Variants in CATSPER2 observed in about 807,000 individuals in gnomAD.
The protein encoded by CATSPER2 is cation channel sperm associated 2.
In CATSPER2, 56 loss-of-function variants were observed where a neutral mutation model predicts 68.8. The ratio of observed to expected loss-of-function variants is 0.81; its 90% CI spans 0.66 to 1.02. CATSPER2 has a LOEUF of 1.02. Among genes scored for constraint, CATSPER2 ranks in the 50% least tolerant of loss-of-function variants. The pLI, the probability that CATSPER2 is intolerant of heterozygous loss-of-function variation, is 0.00. For synonymous variants in CATSPER2, 198 were observed against 229.9 expected (o/e 0.86, Z 1.26); for missense variants, 582 against 642.0 (o/e 0.91, Z 1.01).
Position 43,639,004 on chromosome 15 carries a change from G to C in CATSPER2, c.742C>G (p.Leu248Val). ...GCAAAAATGTAGAAGAAGATGAGCA[G>C]CAACATCAAGAGGAAGGTCATGCTC... is the stretch of plus-strand genomic sequence containing the variant. ...LKSMTFLLML[L>V]LIFFYIFAVT... Residue 248 changes from leucine to valine, a missense_variant, in exon 7 of 13, where the codon CTG becomes GTG. Physicochemically the swap from Leu to Val is conservative, Grantham distance 32. Around this residue, in one of 5 missense-constraint regions of CATSPER2, gnomAD observed 91 missense variants for 72.8 expected, o/e 1.25. Coordinates refer to ENST00000396879, the MANE Select transcript of CATSPER2 (RefSeq NM_172095.4). The C allele has an allele frequency of 6.2e-7, 1 of 1,612,724 alleles. No homozygotes were observed. Among genetic ancestry groups the C allele is most frequent in the Non-Finnish European group, 8.5e-7 (1 of 1,179,256 alleles).
rs1323512156 is a variant in CATSPER2 at position 43,630,521 on chromosome 15, A to T, written c.*180T>A. The stretch of plus-strand genomic sequence containing the variant: ...AAGCATCTGCCACCACACCCAGCTA[A>T]TTTTTTTGTATTTTTAGTAGAGACA... On this transcript the variant is annotated 3_prime_UTR_variant, in exon 13 of 13. Transcript: ENST00000396879. 6 of 1,378,302 alleles carry T rather than the reference A, an allele frequency of 4.4e-6. No individual in the cohort carries two copies. The highest frequency in any genetic ancestry group is 1.3e-5 in the South Asian group (1 of 74,650). 85.4% of individuals were successfully genotyped at this position (1,378,302 alleles called of 1,614,324 possible). A position where few individuals can be genotyped will look rare whatever the true frequency, so the allele number is the denominator to read the frequency against.
At position 43,630,324 on chromosome 15, in the gene CATSPER2, T is replaced by G. The variant is rs185060488; in HGVS notation, c.*377A>C. 3.3e-5 allele frequency: 10 copies of G among 307,624 alleles called. No homozygotes were observed. The Admixed American group carries it at 4.2e-4, about 13-fold the overall frequency. The allele number at this position is 307,624 out of a possible 1,614,324, so 19.1% of individuals were successfully genotyped here. A position where few individuals can be genotyped will look rare whatever the true frequency, so the allele number is the denominator to read the frequency against. On this transcript the variant is annotated 3_prime_UTR_variant, in exon 13 of 13. Coordinates refer to ENST00000396879, the MANE Select transcript of CATSPER2 (RefSeq NM_172095.4). ...ACCTTATGCCTTTCAATATCCCTTA[T>G]CTCAGGGTCACACTACTGAGCAGCT...
At chr15:43,636,287 A>T (rs2085962753) in intron 7 of CATSPER2, 68 bp from the exon 8 acceptor site, 3 of 1,581,286 alleles carry the variant, frequency 1.9e-6, no homozygotes, top group East Asian at 2.2e-5. Flanking sequence ...TACCATTCTT[A>T]CTTTTAAAGA....
chr15:43,635,404 C>T lies in CATSPER2; in HGVS notation c.1134G>A (p.Met378Ile), dbSNP rs751080211. 32 of 1,606,428 alleles carry T rather than the reference C, an allele frequency of 2.0e-5. No homozygotes were observed. The highest frequency in any genetic ancestry group is 2.7e-5 in the Non-Finnish European group (32 of 1,178,542). Residue 378 changes from methionine (M) to isoleucine (I), a missense_variant, in exon 10 of 13, where the codon ATG (methionine) becomes ATA (isoleucine). By Grantham distance (10) the Met-to-Ile change is conservative. Around this residue, in one of 5 missense-constraint regions of CATSPER2, gnomAD observed 235 missense variants for 264.2 expected, o/e 0.89. Transcript: ENST00000396879. ...GGCTTGACGTCAGTGCTTCATGTGA[C>T]ATGTTTTTTCTCCTGCAGAGCAAAA... ...KRQIIQRRKN[M>I]SHEALTSSHS...
At position 43,640,791 on chromosome 15, in the gene CATSPER2, C is replaced by T. The variant is rs552052362; in HGVS notation, c.389-295G>A. Among the ~76,000 whole-genome samples, 112 of 152,016 alleles carry T rather than the reference C, an allele frequency of 7.4e-4. 2 individuals are homozygous for T. The highest frequency in any genetic ancestry group is 6.8e-3 in the Middle Eastern group (2 of 294). On this transcript the variant is annotated intron_variant, in intron 4 of 12. Transcript: ENST00000396879. ...GGCTCACACAGCTACTAAGAGAGTA[C>T]TCTCTTTAATTACCCCTACCTCCAA... is the stretch of plus-strand genomic sequence containing the variant.
chr15:43,648,791 A>AC lies in CATSPER2; in HGVS notation c.-166dup, dbSNP rs996919601. 15 of 1,523,334 alleles carry AC rather than the reference A, an allele frequency of 9.8e-6. No individual in the cohort carries two copies. The highest frequency in any genetic ancestry group is 1.3e-5 in the Non-Finnish European group (15 of 1,139,790). The allele number at this position is 1,523,334 out of a possible 1,614,324, so 94.4% of individuals were successfully genotyped here. On this transcript the variant is annotated 5_prime_UTR_variant, in exon 1 of 13. Coordinates refer to ENST00000396879, the MANE Select transcript of CATSPER2 (RefSeq NM_172095.4). ...CCGCTCGACCCCCAGGTTTCGGCTC[A>AC]CCCCGGGACCCGGCCCTAGCCCCTA...
Position 43,648,588 on chromosome 15 carries a change from G to A in CATSPER2, c.-3+41C>T, listed in dbSNP as rs1055887720. On this transcript the variant is annotated intron_variant, in intron 1 of 12. Transcript: ENST00000396879. ...TGTCCACTCCAACACTCCTTCGGGG[G>A]CTAGCTCCTTCTCTCCTCCATTCTC... The A allele has an allele frequency of 9.3e-5, 127 of 1,369,822 alleles. 2 individuals are homozygous for A. In the Admixed American group the frequency reaches 1.0e-3, roughly 11 times the overall value. 84.9% of individuals were successfully genotyped at this position (1,369,822 alleles called of 1,614,324 possible). A position where few individuals can be genotyped will look rare whatever the true frequency, so the allele number is the denominator to read the frequency against.
rs1422530762 is a variant in CATSPER2 at position 43,647,325 on chromosome 15, A to C, written c.288T>G (p.Pro96=). Residue 96 remains proline (P), a synonymous_variant, in exon 3 of 13, where the codon CCT becomes CCG. Transcript: ENST00000396879. ...RLHVRCSQRP[P]LSLWAGWVLE... is the part of the protein sequence containing the mutation. ...GGACCCATCCGGCCCACAAAGAAAG[A>C]GGTGGCCTCTGACTGCAGCGCACAT... 3 of 1,611,938 alleles carry C rather than the reference A, an allele frequency of 1.9e-6. No individual in the cohort carries two copies. The highest frequency in any genetic ancestry group is 2.5e-6 in the Non-Finnish European group (3 of 1,178,312).
chr15:43,643,037 G>A (rs1375891105), intron 4 of CATSPER2: 1 of 151,982 alleles, frequency 6.6e-6, no homozygotes, highest in Non-Finnish European at 1.5e-5. Context: ...ATTCTTCTCA[G>A]GGTGACAGAC....
upstream of CATSPER2, chr15:43,648,876 C>T (rs1190048522): frequency 2.0e-6 from 3 of 1,501,348 alleles, no homozygotes; most frequent in East Asian, 7.7e-5. Flanking sequence ...CTAGGCCCCG[C>T]CCCGCCCCGC....
Sources: allele counts gnomAD v4.1 joint callset (sites outside exome capture counted in the v4.1 genomes callset), GRCh38; gene constraint gnomAD v4.1.1; regional missense constraint gnomAD v4.1.1; transcripts MANE v1.5; gene names NCBI Gene and HGNC (gene_info 2026-07-23, HGNC 2026-07-21).